The following ZBTB20 variants were observed in gnomAD, a reference collection of about 807,000 sequenced individuals.
ZBTB20 encodes zinc finger and BTB domain containing 20.
A neutral mutation model predicts 56.9 loss-of-function variants in ZBTB20; 9 were observed. The ratio of observed to expected loss-of-function variants is 0.16; its 90% confidence interval spans 0.10 to 0.28. ZBTB20 has a LOEUF of 0.28. ZBTB20 is among the 10% of genes least tolerant of loss of function. ZBTB20 has a pLI of 1.00. For synonymous variants in ZBTB20, 417 were observed against 420.7 expected (o/e 0.99, Z 0.11); for missense variants, 655 against 1,003.0 (o/e 0.65, Z 4.69).
intron 1 of ZBTB20, among the ~76,000 whole-genome samples, chr3:115,078,578 A>G (rs1280615095): frequency 6.7e-6 from 1 of 148,940 alleles, no homozygotes; most frequent in Non-Finnish European, 1.5e-5. Context: ...GTATAGAACA[A>G]CATTATCAGT....
chr3:115,027,641 T>C, intron 2 of ZBTB20: 1 of 151,022 alleles, frequency 6.6e-6, no homozygotes, highest in East Asian at 1.9e-4. Flanking sequence ...CCAATTTTGT[T>C]AATCAAGTCA....
chr3:114,643,201 T>C (rs2059649394), intron 6 of ZBTB20, among the ~76,000 whole-genome samples: 3 of 152,154 alleles, frequency 2.0e-5, no homozygotes, highest in Admixed American at 1.3e-4. Context: ...TGTAAACTAT[T>C]ACATGAAAAC....
intron 7 of ZBTB20, among the ~76,000 whole-genome samples, chr3:114,489,874 T>C (rs2042541326): frequency 6.6e-6 from 1 of 152,182 alleles, no homozygotes; most frequent in African/African-American, 2.4e-5. Flanking sequence ...AGATAAGCCA[T>C]CACGGCCACC....
chr3:114,608,430 G>C (rs759168166), intron 6 of ZBTB20, among the ~76,000 whole-genome samples: 3 of 152,172 alleles, frequency 2.0e-5, no homozygotes, highest in Admixed American at 2.0e-4. Context: ...TCAGGAATGT[G>C]CATATTTCAA....
intron 6 of ZBTB20, among the ~76,000 whole-genome samples, chr3:114,577,311 T>C (rs1385616007): frequency 6.6e-6 from 1 of 152,060 alleles, no homozygotes; most frequent in Non-Finnish European, 1.5e-5. Context: ...ATTTTCTCAA[T>C]GCAGAGTTGC....
At chr3:114,673,310 A>C (rs1324077469) in intron 6 of ZBTB20, among the ~76,000 whole-genome samples, 1 of 152,108 alleles carries the variant, frequency 6.6e-6, no homozygotes, top group African/African-American at 2.4e-5. Flanking sequence ...AATTTCATTT[A>C]TGTGACTGTA....
intron 6 of ZBTB20, among the ~76,000 whole-genome samples, chr3:114,533,723 A>C (rs1284124938): frequency 6.6e-6 from 1 of 152,180 alleles, no homozygotes; most frequent in Non-Finnish European, 1.5e-5. Context: ...AAAAAATGTT[A>C]AGGGCAGCCA....
At chr3:114,900,510 TATACAC>T (rs1188779385) in intron 3 of ZBTB20, 168 bp from the exon 4 acceptor site, 8 of 139,354 alleles carry the variant, frequency 5.7e-5, no homozygotes, top group African/African-American at 2.1e-4. Context: ...TCTGAAAATA[TATACAC>T]ACACACACAC....
intron 6 of ZBTB20, among the ~76,000 whole-genome samples, chr3:114,533,108 C>G (rs2048056140): frequency 6.6e-6 from 1 of 151,990 alleles, no homozygotes; most frequent in Admixed American, 6.5e-5. Context: ...AACTCCTCAC[C>G]AGCAAGGGAA....
intron 5 of ZBTB20, among the ~76,000 whole-genome samples, chr3:114,782,750 T>C (rs2070196433): frequency 6.6e-6 from 1 of 152,144 alleles, no homozygotes; most frequent in African/African-American, 2.4e-5. Context: ...GAGAAGGTAA[T>C]ATTTGAGCAG....
chr3:114,339,112 C>A lies in ZBTB20; in HGVS notation c.2119G>T (p.Val707Leu), dbSNP rs141917042. 55 of 1,608,020 alleles carry A rather than the reference C, an allele frequency of 3.4e-5. No homozygotes were observed. The highest frequency in any genetic ancestry group is 1.6e-4 in the Middle Eastern group (1 of 6,070). Residue 707 changes from valine to leucine, a missense_variant, in exon 12 of 12, where the codon GTG (valine) becomes TTG (leucine). Coordinates refer to ENST00000675478, the MANE Select transcript of ZBTB20 (RefSeq NM_001348800.3). This position sits in a 1 kb window ranked among gnomAD's most constrained non-coding sequence, Gnocchi z 4.2. ...TAAGTGGTCCCCTCCGTGCAGGCCA[C>A]CACGCCTGGGGGGCCAGCGCGGGCA... is the stretch of plus-strand genomic sequence containing the variant. Reference protein sequence around the residue: ...PGARAGPPGVVACTEGTTYVC... With the variant: ...PGARAGPPGVLACTEGTTYVC...
intron 1 of ZBTB20, among the ~76,000 whole-genome samples, chr3:115,120,961 G>A (rs539221291): frequency 7.6e-4 from 116 of 152,164 alleles, no homozygotes; most frequent in Middle Eastern, 3.4e-3. Flanking sequence ...AGAAAGAGAT[G>A]AGATTTGAAA....
intron 6 of ZBTB20, among the ~76,000 whole-genome samples, chr3:114,628,284 A>G (rs2058751845): frequency 2.0e-5 from 3 of 152,150 alleles, no homozygotes; most frequent in Non-Finnish European, 4.4e-5. Flanking sequence ...ATAAACACCA[A>G]CATATCCAAA....
chr3:114,912,690 A>G (rs2075589665), intron 3 of ZBTB20, among the ~76,000 whole-genome samples: 1 of 151,926 alleles, frequency 6.6e-6, no homozygotes, highest in Admixed American at 6.6e-5. Flanking sequence ...ATCAAATACT[A>G]GATCTTACTC....
At chr3:115,060,714 C>G (rs1292618340) in intron 2 of ZBTB20, among the ~76,000 whole-genome samples, 1 of 152,060 alleles carries the variant, frequency 6.6e-6, no homozygotes, top group Non-Finnish European at 1.5e-5. Flanking sequence ...TTATGAATCT[C>G]CCTAAATCTA....
At chr3:114,429,807 G>A (rs946328529) in intron 7 of ZBTB20, among the ~76,000 whole-genome samples, 1 of 152,176 alleles carries the variant, frequency 6.6e-6, no homozygotes, top group African/African-American at 2.4e-5. Context: ...CATTGCATTA[G>A]GTATTATAAG....
intron 2 of ZBTB20, among the ~76,000 whole-genome samples, chr3:115,020,618 G>T (rs1288839041): frequency 6.6e-6 from 1 of 150,850 alleles, no homozygotes; most frequent in African/African-American, 2.4e-5. Context: ...GATGATAAAA[G>T]ATAAAATCTA....
intron 5 of ZBTB20, among the ~76,000 whole-genome samples, chr3:114,793,597 C>T (rs1256405858): frequency 6.6e-6 from 1 of 152,124 alleles, no homozygotes; most frequent in Non-Finnish European, 1.5e-5. Flanking sequence ...CCTCTCAACG[C>T]ACTCTCTCTT....
intron 4 of ZBTB20, among the ~76,000 whole-genome samples, chr3:114,834,822 T>C (rs1275119621): frequency 6.6e-6 from 1 of 152,044 alleles, no homozygotes. Flanking sequence ...CGTTATCACA[T>C]TGAAAAGAAA....
Sources: allele counts gnomAD v4.1 joint callset (sites outside exome capture counted in the v4.1 genomes callset), GRCh38; gene constraint gnomAD v4.1.1; non-coding constraint Gnocchi (gnomAD v3.1); transcripts MANE v1.5; gene names NCBI Gene and HGNC (gene_info 2026-07-23, HGNC 2026-07-21).